The following HYAL4 variants were observed in gnomAD, a reference collection of about 807,000 sequenced individuals.
HYAL4 encodes hyaluronidase-4.
In HYAL4, 37 loss-of-function variants were observed where a neutral mutation model predicts 35.2. The ratio of observed to expected loss-of-function variants is 1.05; its 90% CI spans 0.81 to 1.38. HYAL4 has a LOEUF of 1.38. HYAL4 is among the 40% of genes most tolerant of loss of function. The probability of loss-of-function intolerance (pLI) is 0.00; values close to 1 mark genes in which losing one functional copy is unlikely to be tolerated. For synonymous variants in HYAL4, 198 were observed against 203.2 expected (o/e 0.97, Z 0.22); for missense variants, 572 against 572.4 (o/e 1.00, Z 0.01).
At chr7:123,847,298 T>C (rs890052993) in intron 1 of HYAL4, among the ~76,000 whole-genome samples, 3 of 152,324 alleles carry the variant, frequency 2.0e-5, no homozygotes, top group Non-Finnish European at 4.4e-5. Context: ...TTCAGCTTTA[T>C]AGTGTATTTT....
chr7:123,763,857 C>T, the HYAL4 span, among the ~76,000 whole-genome samples: 1 of 152,246 alleles, frequency 6.6e-6, no homozygotes, highest in Non-Finnish European at 1.5e-5. Flanking sequence ...TCAAACTTTA[C>T]ACTCTGTCAG....
intron 3 of HYAL4, among the ~76,000 whole-genome samples, chr7:123,869,757 G>A (rs951479896): frequency 4.2e-4 from 64 of 150,780 alleles, no homozygotes; most frequent in Admixed American, 8.6e-4. Context: ...ATGCAATCTC[G>A]GCTCACTGCA....
chr7:123,813,070 G>T, the HYAL4 span, among the ~76,000 whole-genome samples: 1 of 152,140 alleles, frequency 6.6e-6, no homozygotes, highest in Non-Finnish European at 1.5e-5. Context: ...GTGCTATGTT[G>T]TGAGAGTTAG....
the HYAL4 span, among the ~76,000 whole-genome samples, chr7:123,811,497 T>C: frequency 1.3e-5 from 2 of 152,228 alleles, no homozygotes; most frequent in Non-Finnish European, 2.9e-5. Context: ...GAGATGTCTG[T>C]TCAAGCCTTT....
In HYAL4 at chr7:123,877,067, A is replaced by G; in HGVS notation, c.1358A>G (p.Asp453Gly). The G allele has an allele frequency of 6.2e-7, 1 of 1,614,202 alleles. No homozygotes were observed. Among genetic ancestry groups the G allele is most frequent in the Non-Finnish European group, 8.5e-7 (1 of 1,180,024 alleles). Residue 453 changes from aspartate (D) to glycine (G), a missense_variant, in exon 5 of 5, where the codon GAT (aspartate) becomes GGT (glycine). Transcript: ENST00000223026. ...GATTGCAGAGAAATAAAGACGGCTG[A>G]TGGCTGCTCTGGGGTTTCCCCTTCT... ...GADCREIKTA[D>G]GCSGVSPSPG... is the part of the protein sequence containing the mutation.
chr7:123,825,794 T>G (rs1285881255), upstream of HYAL4, among the ~76,000 whole-genome samples: 1 of 152,180 alleles, frequency 6.6e-6, no homozygotes, highest in African/African-American at 2.4e-5. Flanking sequence ...ATGGTTTTCT[T>G]TTTTTGAAGA....
intron 1 of HYAL4, among the ~76,000 whole-genome samples, chr7:123,835,057 T>C (rs1805944268): frequency 6.6e-6 from 1 of 152,098 alleles, no homozygotes; most frequent in African/African-American, 2.4e-5. Context: ...TTTGGTTATG[T>C]CCTTTCATGG....
rs150488109 is a variant in HYAL4 at position 123,861,575 on chromosome 7, A to C, written c.-51-6648A>C. 3.9e-3 allele frequency among the ~76,000 whole-genome samples: 598 copies of C among 152,246 alleles called. 5 individuals carry two copies. Among genetic ancestry groups the C allele is most frequent in the African/African-American group, 0.014 (569 of 41,558 alleles). ...ATACTTTAATACAGAGATAATTTAAACCTCTTTCAGATTGTATTTCTTAAA... is the reference window on the plus strand; with the variant it reads ...ATACTTTAATACAGAGATAATTTAACCCTCTTTCAGATTGTATTTCTTAAA... On this transcript the variant is annotated intron_variant, in intron 2 of 4. Coordinates refer to ENST00000223026, the MANE Select transcript of HYAL4 (RefSeq NM_012269.3).
At chr7:123,766,450 T>G in the HYAL4 span, among the ~76,000 whole-genome samples, 1 of 152,130 alleles carries the variant, frequency 6.6e-6, no homozygotes, top group African/African-American at 2.4e-5. Context: ...AACCCCCGGG[T>G]AACCTAAGCT....
At chr7:123,872,531 C>G (rs1253420798) in intron 3 of HYAL4, among the ~76,000 whole-genome samples, 10 of 152,180 alleles carry the variant, frequency 6.6e-5, no homozygotes, top group African/African-American at 2.4e-4. Context: ...GTAGCCCTAC[C>G]CTCTACTTCT....
At chr7:123,769,459 A>G in the HYAL4 span, among the ~76,000 whole-genome samples, 1 of 152,206 alleles carries the variant, frequency 6.6e-6, no homozygotes, top group Non-Finnish European at 1.5e-5. Flanking sequence ...TGCTGATCCA[A>G]GGAAAACCTC....
chr7:123,873,240 C>T (rs1229714248), intron 3 of HYAL4, among the ~76,000 whole-genome samples: 1 of 152,122 alleles, frequency 6.6e-6, no homozygotes, highest in African/African-American at 2.4e-5. Flanking sequence ...TATACTATCT[C>T]ATTTGAGCCT....
chr7:123,767,342 G>A, the HYAL4 span, among the ~76,000 whole-genome samples: 3 of 152,148 alleles, frequency 2.0e-5, no homozygotes, highest in Admixed American at 6.5e-5. Context: ...TGTTTTGTTT[G>A]GTGAACTGGA....
the HYAL4 span, among the ~76,000 whole-genome samples, chr7:123,813,104 T>C: frequency 1.3e-5 from 2 of 152,296 alleles, no homozygotes; most frequent in South Asian, 4.1e-4. Flanking sequence ...TTGGTGTCTT[T>C]CCTGAATTTA....
At chr7:123,860,242 CTG>C (rs748613217) in intron 2 of HYAL4, among the ~76,000 whole-genome samples, 1 of 152,158 alleles carries the variant, frequency 6.6e-6, no homozygotes, top group Non-Finnish European at 1.5e-5. Context: ...CCATAGGGAA[CTG>C]TGAGTAAATT....
intron 1 of HYAL4, among the ~76,000 whole-genome samples, chr7:123,832,624 C>T (rs1431422436): frequency 2.7e-5 from 4 of 150,218 alleles, no homozygotes; most frequent in Admixed American, 6.7e-5. Context: ...CTCAGCCTCC[C>T]GAATAACTGG....
At chr7:123,840,397 G>GTA (rs1806035233), upstream of HYAL4, among the ~76,000 whole-genome samples, 1 of 152,132 alleles carries the variant, frequency 6.6e-6, no homozygotes, top group Non-Finnish European at 1.5e-5. Flanking sequence ...TAGCCTTGTA[G>GTA]TATAGTTTGA....
the HYAL4 span, among the ~76,000 whole-genome samples, chr7:123,807,432 G>GTTTATTTTT: frequency 8.3e-6 from 1 of 120,802 alleles, no homozygotes; most frequent in Non-Finnish European, 1.7e-5. Context: ...ACTTTTTATG[G>GTTTATTTTT]TTTTTTTTTT....
At chr7:123,874,529 A>G (rs1306238469) in intron 3 of HYAL4, among the ~76,000 whole-genome samples, 1 of 151,890 alleles carries the variant, frequency 6.6e-6, no homozygotes, top group Non-Finnish European at 1.5e-5. Flanking sequence ...TCAGCCTCCG[A>G]GTAGCTGGGA....
Sources: allele counts gnomAD v4.1 joint callset (sites outside exome capture counted in the v4.1 genomes callset), GRCh38; gene constraint gnomAD v4.1.1; transcripts MANE v1.5; gene names NCBI Gene and HGNC (gene_info 2026-07-23, HGNC 2026-07-21).